The following HHATL variants were observed in gnomAD, a reference collection of about 807,000 sequenced individuals.
HHATL encodes hedgehog acyltransferase like.
HHATL carries 49 observed loss-of-function variants against 59.7 expected under a neutral mutation model. The observed-to-expected ratio is 0.82, with a 90% CI of 0.65 to 1.04. HHATL has a LOEUF of 1.04. Ranked by LOEUF, HHATL falls within the 50% of genes least tolerant of loss-of-function variation. The probability of loss-of-function intolerance (pLI) is 0.00; values close to 1 mark genes in which losing one functional copy is unlikely to be tolerated. For missense variants in HHATL, 605 were observed against 650.8 expected, an observed-to-expected ratio of 0.93 and a Z score of 0.77; for synonymous variants, 238 against 257.3, an observed-to-expected ratio of 0.93 and a Z score of 0.72.
Position 42,698,258 on chromosome 3 carries a change from C to T in HHATL, c.577G>A (p.Glu193Lys). 1 of 1,614,100 alleles carries T rather than the reference C, an allele frequency of 6.2e-7. No homozygotes were observed. Among genetic ancestry groups the T allele is most frequent in the Admixed American group, 1.7e-5 (1 of 60,012 alleles). The stretch of plus-strand genomic sequence containing the variant: ...TGGCGGTCAGGGTGGGCACAGCTCT[C>T]CAGTGCAAAGCTGGTGCAACGCAGC... ...TVLRCTSFAL[E>K]SCAHPDRHYS... The change falls in exon 6 of 12, where the codon GAG becomes AAG. Residue 193 changes from glutamate to lysine, a missense_variant. Coordinates refer to ENST00000441594, the MANE Select transcript of HHATL (RefSeq NM_020707.4).
chr3:42,697,360 G>T, intron 7 of HHATL, 148 bp downstream of exon 7: 1 of 1,052,900 alleles, frequency 9.5e-7, no homozygotes, highest in Non-Finnish European at 1.4e-6. Context: ...CAAGACCCAT[G>T]CATTAGAAAG....
intron 7 of HHATL, 33 bp from the exon 8 acceptor site, chr3:42,697,178 C>T (rs1559621850): frequency 1.3e-6 from 2 of 1,509,262 alleles, no homozygotes; most frequent in Non-Finnish European, 8.9e-7. Context: ...GCCTGGGGTC[C>T]AATCGCCTGG....
chr3:42,699,159 G>T lies in HHATL; in HGVS notation c.175-14C>A. The T allele has an allele frequency of 6.2e-7, 1 of 1,604,818 alleles. No homozygotes were observed. The highest frequency in any genetic ancestry group is 1.1e-5 in the South Asian group (1 of 90,872). On this transcript the variant is annotated splice_polypyrimidine_tract_variant and intron_variant, in intron 3 of 11. Coordinates refer to ENST00000441594, the MANE Select transcript of HHATL (RefSeq NM_020707.4). ...GTCAGCCACATCCTGGGGCAGTCCG[G>T]GGCAGAAGGAGGTGGGGCAGGTGAG...
Position 42,698,773 on chromosome 3 carries a change from G to A in HHATL, c.418C>T (p.Leu140Phe). The A allele has an allele frequency of 6.2e-7, 1 of 1,611,724 alleles. No homozygotes were observed. Among genetic ancestry groups the A allele is most frequent in the South Asian group, 1.1e-5 (1 of 90,724 alleles). The change falls in exon 5 of 12, where the codon CTC becomes TTC. Residue 140 changes from leucine (L) to phenylalanine (F), a missense_variant. Physicochemically the swap from Leu to Phe is conservative, Grantham distance 22. Transcript: ENST00000441594. ...YVASLLGQPW[L>F]CLGLGLASLA... ...CTGGCCAAGCCAAGGCCAAGACAGA[G>A]CCAGGGCTGGCCCAAAAGCGAGGCC... is the stretch of plus-strand genomic sequence containing the variant.
At chr3:42,699,265 T>C (rs1467610123) in intron 3 of HHATL, 120 bp from the exon 4 acceptor site, 3 of 487,696 alleles carry the variant, frequency 6.2e-6, no homozygotes, top group Non-Finnish European at 7.3e-6. Flanking sequence ...GTTCTTCTTT[T>C]ATTATTATCA....
At chr3:42,699,699 A>G in intron 3 of HHATL, 59 bp downstream of exon 3, 1 of 1,419,832 alleles carries the variant, frequency 7.0e-7, no homozygotes, top group South Asian at 1.2e-5. Context: ...AACATCTGGA[A>G]CAGCAGAGAG....
chr3:42,698,845 G>A lies in HHATL; in HGVS notation c.346C>T (p.Pro116Ser), dbSNP rs1559624292. 1 of 1,613,430 alleles carries A rather than the reference G, an allele frequency of 6.2e-7. No homozygotes were observed. The highest frequency in any genetic ancestry group is 1.1e-5 in the South Asian group (1 of 90,982). ...CCAAGCAGCAGCAGCAGGTACCAAGGGCCCATTGTGCCCATCACAGCCAAG... is the reference window on the plus strand; with the variant it reads ...CCAAGCAGCAGCAGCAGGTACCAAGAGCCCATTGTGCCCATCACAGCCAAG... Reference protein sequence around the residue: ...GALAVMGTMGPWYLLLLLGHC... With the variant: ...GALAVMGTMGSWYLLLLLGHC... The change falls in exon 5 of 12, where the codon CCT (proline) becomes TCT (serine). Residue 116 changes from proline to serine, a missense_variant. Pro to Ser is a moderately conservative substitution (Grantham distance 74). Transcript: ENST00000441594.
chr3:42,700,514 CTG>C (rs971484409), intron 2 of HHATL, among the ~76,000 whole-genome samples: 1 of 151,998 alleles, frequency 6.6e-6, no homozygotes, highest in African/African-American at 2.4e-5. Context: ...CTCTGCATCT[CTG>C]TGTTCCTGTG....
At chr3:42,699,732 G>A (rs1322152244) in intron 3 of HHATL, 26 bp downstream of exon 3, 4 of 1,562,856 alleles carry the variant, frequency 2.6e-6, no homozygotes, top group South Asian at 1.2e-5. Context: ...CGGGATGGGA[G>A]GGACCCTGGG....
In HHATL at chr3:42,702,691, T is replaced by A. The variant is rs1036287083; in HGVS notation, c.-126A>T. The A allele has an allele frequency of 2.6e-5, 4 of 152,530 alleles. No homozygotes were observed. Among genetic ancestry groups the A allele is most frequent in the Non-Finnish European group, 5.9e-5 (4 of 68,354 alleles). The allele number at this position is 152,530 out of a possible 1,614,324, so 9.4% of individuals were successfully genotyped here. ...AGCTCTGGGGCCACGGTGGGGTGTG[T>A]CCAGCCCTGGGGTCCCCACCCCCTT... On this transcript the variant is annotated 5_prime_UTR_variant, in exon 1 of 12. Transcript: ENST00000441594.
In HHATL at chr3:42,693,225, G is replaced by A. The variant is rs753887214; in HGVS notation, c.1249-7C>T. 48 of 1,612,962 alleles carry A rather than the reference G, an allele frequency of 3.0e-5. No homozygotes were observed. Among genetic ancestry groups the A allele is most frequent in the Admixed American group, 8.3e-5 (5 of 59,930 alleles). Reference sequence around the variant, plus strand: ...TCTGCACTGACAGAGAGGCCTATCCGGTCCAGGAAAGCATGGGCAGCGGGA... The same window carrying A: ...TCTGCACTGACAGAGAGGCCTATCCAGTCCAGGAAAGCATGGGCAGCGGGA... On this transcript the variant is annotated splice_polypyrimidine_tract_variant and splice_region_variant and intron_variant, in intron 10 of 11. Transcript: ENST00000441594.
Position 42,700,762 on chromosome 3 carries a change from G to A in HHATL, c.65C>T (p.Ala22Val). Reference sequence around the variant, plus strand: ...GAGGCCCCGGCCAGCATAGGCCAGGGCCCCACTCAGCACCAGAGAGTAGAG... The same window carrying A: ...GAGGCCCCGGCCAGCATAGGCCAGGACCCCACTCAGCACCAGAGAGTAGAG... ...LGLYSLVLSG[A>V]LAYAGRGLLE... The change falls in exon 2 of 12, where the codon GCC becomes GTC. Residue 22 changes from alanine (A) to valine (V), a missense_variant. Ala to Val is a moderately conservative substitution (Grantham distance 64). Transcript: ENST00000441594. The A allele has an allele frequency of 6.2e-7, 1 of 1,613,842 alleles. No individual in the cohort carries two copies.
chr3:42,701,708 G>T lies in HHATL; in HGVS notation c.-13-869C>A, dbSNP rs1368628947. On this transcript the variant is annotated intron_variant, in intron 1 of 11. Coordinates refer to ENST00000441594, the MANE Select transcript of HHATL (RefSeq NM_020707.4). This position sits in a 1 kb window ranked among gnomAD's most constrained non-coding sequence, Gnocchi z 5.1. ...TAGCTTGTCCCCTGGAGAACTGCTG[G>T]GCCGTACTACGGCTCAGCTAGCACC... Among the ~76,000 whole-genome samples, 2 of 152,206 alleles carry T rather than the reference G, an allele frequency of 1.3e-5. No individual in the cohort carries two copies. The highest frequency in any genetic ancestry group is 6.5e-5 in the Admixed American group (1 of 15,284).
In HHATL at chr3:42,699,028, T is replaced by C; in HGVS notation, c.288+4A>G. 6.2e-7 allele frequency: 1 copy of C among 1,613,824 alleles called. No homozygotes were observed. The highest frequency in any genetic ancestry group is 8.5e-7 in the Non-Finnish European group (1 of 1,179,702). Reference sequence around the variant, plus strand: ...AGAGGCTGGGTGGCCCAGGTCCAGCTCACCTTTGGGGCAACCATCGTGCAG... The same window carrying C: ...AGAGGCTGGGTGGCCCAGGTCCAGCCCACCTTTGGGGCAACCATCGTGCAG... On this transcript the variant is annotated splice_donor_region_variant and intron_variant, in intron 4 of 11. Coordinates refer to ENST00000441594, the MANE Select transcript of HHATL (RefSeq NM_020707.4).
intron 6 of HHATL, 73 bp downstream of exon 6, chr3:42,698,069 A>G: frequency 7.0e-7 from 1 of 1,438,576 alleles, no homozygotes; most frequent in Non-Finnish European, 9.8e-7. Context: ...GGGGAATTCT[A>G]TCTGAGATGG....
chr3:42,693,493 T>TA (rs1697446309), intron 10 of HHATL, 124 bp downstream of exon 10: 1 of 884,688 alleles, frequency 1.1e-6, no homozygotes, highest in African/African-American at 1.7e-5. Context: ...CTCTGACAAC[T>TA]AAGAGGGTGG....
At chr3:42,698,023 TG>T in intron 6 of HHATL, 118 bp downstream of exon 6, 1 of 1,092,990 alleles carries the variant, frequency 9.1e-7, no homozygotes, top group Non-Finnish European at 1.4e-6. Context: ...GGCTTCATCC[TG>T]GAATCATGCC....
rs543834975 is a variant in HHATL, at chr3:42,694,082, G to A, written c.1047-264C>T. ...AGATTTCAAGTACTAGCTCTATGAC[G>A]ATGACCCCTAAATCTGTGTCTTTAG... On this transcript the variant is annotated intron_variant, in intron 9 of 11. Transcript: ENST00000441594. 3.9e-4 allele frequency: 203 copies of A among 521,604 alleles called. 2 individuals carry two copies. In the South Asian group the frequency reaches 4.3e-3, roughly 11 times the overall value. 32.3% of individuals were successfully genotyped at this position (521,604 alleles called of 1,614,324 possible).
At chr3:42,698,462 CCT>C in intron 5 of HHATL, 111 bp from the exon 6 acceptor site, 1 of 1,086,780 alleles carries the variant, frequency 9.2e-7, no homozygotes, top group East Asian at 2.6e-5. Flanking sequence ...CCTGTCCCTT[CCT>C]CTCTTCCAGA....
Sources: gnomAD v4.1 joint callset for allele counts (sites outside exome capture counted in the v4.1 genomes callset) on GRCh38, gnomAD v4.1.1 for gene constraint, Gnocchi (gnomAD v3.1) non-coding constraint, MANE v1.5 for transcripts, NCBI Gene and HGNC (gene_info 2026-07-23, HGNC 2026-07-21) for gene names.